The following PLCZ1 variants were observed in gnomAD, a reference collection of about 807,000 sequenced individuals.
PLCZ1 encodes the protein phospholipase C zeta 1.
In PLCZ1, 64 loss-of-function variants were observed where a neutral mutation model predicts 76.8. That is an observed-to-expected ratio of 0.83 (90% CI 0.68 to 1.03). The LOEUF is 1.03. PLCZ1 is among the 50% of genes least tolerant of loss of function. The pLI, the probability that PLCZ1 is intolerant of heterozygous loss-of-function variation, is 0.00. For missense variants in PLCZ1, 751 were observed against 713.7 expected, an observed-to-expected ratio of 1.05 and a Z score of -0.60; for synonymous variants, 248 against 230.8, an observed-to-expected ratio of 1.07 and a Z score of -0.68.
chr12:18,650,323 C>CTATATATA, the PLCZ1 span, among the ~76,000 whole-genome samples: 18 of 77,960 alleles, frequency 2.3e-4, no homozygotes, highest in Admixed American at 6.1e-4. Context: ...CTCTCTCTCT[C>CTATATATA]TCTCTCTCTA....
chr12:18,696,497 A>G (rs1955058305), intron 10 of PLCZ1, among the ~76,000 whole-genome samples: 1 of 151,094 alleles, frequency 6.6e-6, no homozygotes, highest in South Asian at 2.1e-4. Context: ...TTTTATCATA[A>G]AATGTATGTA....
rs569516123 is a variant in PLCZ1 at position 18,709,954 on chromosome 12, A to G, written c.714+2888T>C. 5.3e-5 allele frequency among the ~76,000 whole-genome samples: 8 copies of G among 151,900 alleles called. No homozygotes were observed. The South Asian group carries it at 1.7e-3, about 32-fold the overall frequency. Reference sequence around the variant, plus strand: ...GATTTTTTCTTAATTTCTTTCAATTAGGTCACTATTTGCGTATAAAAATAC... The same window carrying G: ...GATTTTTTCTTAATTTCTTTCAATTGGGTCACTATTTGCGTATAAAAATAC... On this transcript the variant is annotated intron_variant, in intron 6 of 14. Transcript: ENST00000266505.
intron 4 of PLCZ1, among the ~76,000 whole-genome samples, chr12:18,722,340 C>T (rs1958490660): frequency 6.6e-6 from 1 of 152,236 alleles, no homozygotes. Flanking sequence ...TTATTCTTCA[C>T]TATATCTTCA....
intron 5 of PLCZ1, among the ~76,000 whole-genome samples, chr12:18,717,259 A>G (rs1202799139): frequency 6.6e-6 from 1 of 152,186 alleles, no homozygotes; most frequent in Non-Finnish European, 1.5e-5. Context: ...ATAACAAAAA[A>G]TGAATGGAAA....
chr12:18,696,047 A>G, intron 11 of PLCZ1, 103 bp downstream of exon 11: 1 of 649,252 alleles, frequency 1.5e-6, no homozygotes, highest in Non-Finnish European at 2.7e-6. Flanking sequence ...CCGGGCTAAA[A>G]AATCTTTTAC....
intron 6 of PLCZ1, among the ~76,000 whole-genome samples, chr12:18,707,285 G>A (rs1027757603): frequency 2.6e-5 from 4 of 152,256 alleles, no homozygotes; most frequent in Admixed American, 2.6e-4. Context: ...ATTAGAGTGA[G>A]TCCACTGACT....
chr12:18,705,458 A>G, intron 6 of PLCZ1, 143 bp from the exon 7 acceptor site: 1 of 1,012,168 alleles, frequency 9.9e-7, no homozygotes, highest in Non-Finnish European at 1.5e-6. Context: ...AACTGAAAGT[A>G]CTTTTGAGTT....
downstream of PLCZ1, chr12:18,683,100 T>C (rs1387956302): frequency 1.3e-6 from 1 of 767,818 alleles, no homozygotes; most frequent in East Asian, 2.7e-5. Flanking sequence ...TTTTGTATAT[T>C]TTTAAGTGAA....
At position 18,701,590 on chromosome 12, in the gene PLCZ1, C is replaced by T. The variant is rs753552647; in HGVS notation, c.950-22G>A. 3.1e-6 allele frequency: 5 copies of T among 1,612,156 alleles called. No homozygotes were observed. The South Asian group carries it at 3.3e-5, about 11-fold the overall frequency. On this transcript the variant is annotated intron_variant, in intron 8 of 14. Transcript: ENST00000266505. ...TCTCCTAAAACAGATTCCAATACTT[C>T]TGATTCTTTGAATTTATCCTCCTCC...
chr12:18,663,678 T>C, the PLCZ1 span, among the ~76,000 whole-genome samples: 1 of 151,782 alleles, frequency 6.6e-6, no homozygotes, highest in Non-Finnish European at 1.5e-5. Flanking sequence ...CTTTATGATG[T>C]TGGATTTGGC....
the PLCZ1 span, among the ~76,000 whole-genome samples, chr12:18,650,361 G>A: frequency 9.3e-4 from 131 of 140,648 alleles, no homozygotes; most frequent in Middle Eastern, 0.011. Flanking sequence ...GTGTGTGTGT[G>A]TGTGTGTGTG....
the PLCZ1 span, among the ~76,000 whole-genome samples, chr12:18,675,037 A>C: frequency 6.6e-6 from 1 of 152,186 alleles, no homozygotes; most frequent in African/African-American, 2.4e-5. Context: ...ATAGTCTGTA[A>C]CTACCTTATT....
At chr12:18,668,263 T>C in the PLCZ1 span, among the ~76,000 whole-genome samples, 1 of 152,266 alleles carries the variant, frequency 6.6e-6, no homozygotes, top group African/African-American at 2.4e-5. Flanking sequence ...ACACATCACA[T>C]TTTCATTAAG....
chr12:18,705,084 C>A (rs1255669273), intron 7 of PLCZ1, 82 bp downstream of exon 7: 3 of 1,528,510 alleles, frequency 2.0e-6, no homozygotes, highest in East Asian at 4.5e-5. Context: ...TGGTCTCTAG[C>A]CCAGTTTCAC....
At chr12:18,684,034 T>C in intron 14 of PLCZ1, 96 bp downstream of exon 14, 7 of 1,402,704 alleles carry the variant, frequency 5.0e-6, no homozygotes, top group South Asian at 4.9e-5. Context: ...ACATCCTACT[T>C]TATGATAGAG....
At chr12:18,645,966 G>A in the PLCZ1 span, among the ~76,000 whole-genome samples, 1 of 152,086 alleles carries the variant, frequency 6.6e-6, no homozygotes, top group South Asian at 2.1e-4. Context: ...TGAACATGAT[G>A]TAGGAAGAAA....
At position 18,696,278 on chromosome 12, in the gene PLCZ1, T is replaced by C. The variant is rs780718581; in HGVS notation, c.1175-12A>G. On this transcript the variant is annotated splice_polypyrimidine_tract_variant and intron_variant, in intron 10 of 14. Coordinates refer to ENST00000266505, the MANE Select transcript of PLCZ1 (RefSeq NM_033123.4). ...AATAAACTCATGGACTGAAAAAGAA[T>C]AATTAAAACATTGTGAAAGAATTCA... 1.6e-6 allele frequency: 2 copies of C among 1,225,042 alleles called. No individual in the cohort carries two copies. Among genetic ancestry groups the C allele is most frequent in the Admixed American group, 1.9e-5 (1 of 51,666 alleles). The allele number at this position is 1,225,042 out of a possible 1,614,324, so 75.9% of individuals were successfully genotyped here. A position where few individuals can be genotyped will look rare whatever the true frequency, so the allele number is the denominator to read the frequency against.
At chr12:18,684,328 G>A (rs1291589236) in intron 13 of PLCZ1, 49 bp from the exon 14 acceptor site, 1 of 1,516,454 alleles carries the variant, frequency 6.6e-7, no homozygotes, top group Admixed American at 1.8e-5. Context: ...ACCATATCTA[G>A]GAAAAAATAG....
rs1484347751 is a variant in PLCZ1, at chr12:18,696,165, T to C, written c.1276A>G (p.Ile426Val). ...TATAACATACCCATTTGACAACCTA[T>C]ATTCCAAAATTCTTGGGGATTAAAA... ...SNFNPQEFWNIGCQMVALNFQ... is the reference protein window; with the variant it reads ...SNFNPQEFWNVGCQMVALNFQ... The change falls in exon 11 of 15, where the codon ATA (isoleucine) becomes GTA (valine). Residue 426 changes from isoleucine (I) to valine (V), a missense_variant. Coordinates refer to ENST00000266505, the MANE Select transcript of PLCZ1 (RefSeq NM_033123.4). 17 of 1,547,672 alleles carry C rather than the reference T, an allele frequency of 1.1e-5. No individual in the cohort carries two copies. Among genetic ancestry groups the C allele is most frequent in the Non-Finnish European group, 1.4e-5 (16 of 1,123,130 alleles).
Sources: gnomAD v4.1 joint callset for allele counts (sites outside exome capture counted in the v4.1 genomes callset) on GRCh38, gnomAD v4.1.1 for gene constraint, MANE v1.5 for transcripts, NCBI Gene and HGNC (gene_info 2026-07-23, HGNC 2026-07-21) for gene names.